Variants in MDN1 observed in about 807,000 individuals in gnomAD.
The protein encoded by MDN1 is midasin.
MDN1 carries 266 observed loss-of-function variants against 669.2 expected under a neutral mutation model. The observed-to-expected ratio is 0.40, with a 90% CI of 0.36 to 0.44. The LOEUF is 0.44. MDN1 is among the 20% of genes least tolerant of loss of function. The probability of loss-of-function intolerance (pLI) is 1.00; values close to 1 mark genes in which losing one functional copy is unlikely to be tolerated. For missense variants in MDN1, 5,940 were observed against 6,754.0 expected (o/e 0.88, Z 4.22); for synonymous variants, 2,385 against 2,457.1 (o/e 0.97, Z 0.87).
At position 89,780,276 on chromosome 6, in the gene MDN1, C is replaced by T; in HGVS notation, c.1661G>A (p.Cys554Tyr). 1.9e-6 allele frequency: 3 copies of T among 1,578,314 alleles called. No homozygotes were observed. The highest frequency in any genetic ancestry group is 3.4e-4 in the Middle Eastern group (2 of 5,938). ...ELSLRDLLNW[C>Y]NRIAHSFDSS... is the part of the protein sequence containing the mutation. ...GTCAAAGCTATGGGCAATCCTATTA[C>T]ACCAATTCAGCAGATCCCTTTAAAA... is the stretch of plus-strand genomic sequence containing the variant. Residue 554 changes from cysteine (C) to tyrosine (Y), a missense_variant, in exon 11 of 102, where the codon TGT becomes TAT. This residue lies in a region of MDN1 where 1,203 missense variants were observed against 1,268.9 expected (regional missense o/e 0.95). Coordinates refer to ENST00000369393, the MANE Select transcript of MDN1 (RefSeq NM_014611.3).
chr6:89,681,337 C>G (rs1811603941), intron 73 of MDN1, among the ~76,000 whole-genome samples: 1 of 152,086 alleles, frequency 6.6e-6, no homozygotes, highest in Non-Finnish European at 1.5e-5. Flanking sequence ...CCATGCCTGG[C>G]TATTTTTTGT....
At chr6:89,734,691 AAGAGAGAGAG>A (rs1554188772) in intron 33 of MDN1, among the ~76,000 whole-genome samples, 1 of 112,996 alleles carries the variant, frequency 8.8e-6, no homozygotes, top group African/African-American at 3.5e-5. Context: ...AAAAAAAAAC[AAGAGAGAGAG>A]AGAGAGAGAG....
At position 89,690,810 on chromosome 6, in the gene MDN1, GCT is replaced by G; in HGVS notation, c.10610_10611del (p.Glu3537AlafsTer10). ...VCQEIISEWD[E>X]QERIAQEKAE... ...GCCTTCTCTTGGGCTATGCGTTCCT[GCT>G]CATCCCACTCACTGATGATTTCCTG... is the stretch of plus-strand genomic sequence containing the variant. On this transcript the variant is annotated frameshift_variant, in exon 64 of 102. Transcript: ENST00000369393. LOFTEE classifies it high-confidence loss of function. 1 of 1,613,976 alleles carries G rather than the reference GCT, an allele frequency of 6.2e-7. No individual in the cohort carries two copies. Among genetic ancestry groups the G allele is most frequent in the Non-Finnish European group, 8.5e-7 (1 of 1,179,962 alleles).
At chr6:89,761,503 A>G in intron 17 of MDN1, 142 bp downstream of exon 17, 1 of 517,078 alleles carries the variant, frequency 1.9e-6, no homozygotes, top group Non-Finnish European at 3.3e-6. Context: ...TATAATTGCC[A>G]TAATTACCAT....
rs1811968232 is a variant in MDN1, at chr6:89,685,855, G to C, written c.11691C>G (p.Val3897=). 6.2e-7 allele frequency: 1 copy of C among 1,613,904 alleles called. No individual in the cohort carries two copies. Among genetic ancestry groups the C allele is most frequent in the South Asian group, 1.1e-5 (1 of 91,066 alleles). Reference sequence around the variant, plus strand: ...TTCCTTCAACCTGTGGCATCAGCAAGACATGACAATGGAAAACCAGTAACA... The same window carrying C: ...TTCCTTCAACCTGTGGCATCAGCAACACATGACAATGGAAAACCAGTAACA... The part of the protein sequence containing the change: ...LQMLLVFHCH[V]LLMPQVEGKD... The change falls in exon 70 of 102, where the codon GTC becomes GTG. Residue 3897 remains valine, a synonymous_variant. Transcript: ENST00000369393.
chr6:89,749,165 A>C (rs1026517058), intron 26 of MDN1, 58 bp downstream of exon 26: 2 of 1,453,788 alleles, frequency 1.4e-6, no homozygotes, highest in African/African-American at 1.4e-5. Context: ...CTAACAAAAG[A>C]AGCCATGAAA....
At chr6:89,765,534 G>A (rs377632662) in intron 15 of MDN1, among the ~76,000 whole-genome samples, 26 of 152,062 alleles carry the variant, frequency 1.7e-4, no homozygotes, top group African/African-American at 5.8e-4. Flanking sequence ...AGCTGGTCTC[G>A]AAGTCCTGGC....
Position 89,754,138 on chromosome 6 carries a change from G to T in MDN1, c.2909C>A (p.Ala970Asp). 1 of 1,614,110 alleles carries T rather than the reference G, an allele frequency of 6.2e-7. No individual in the cohort carries two copies. The highest frequency in any genetic ancestry group is 8.5e-7 in the Non-Finnish European group (1 of 1,180,004). The stretch of plus-strand genomic sequence containing the variant: ...TGGATTGGAGGCTGCAAATCGCAGG[G>T]CCCGGCACAGAGTCCGAAGGCTGTA... ...PHYSLRTLCR[A>D]LRFAASNPCG... The change falls in exon 21 of 102, where the codon GCC becomes GAC. Residue 970 changes from alanine (A) to aspartate (D), a missense_variant. By Grantham distance (126) the Ala-to-Asp change is moderately radical. Transcript: ENST00000369393.
chr6:89,799,904 C>A (rs991422136), intron 2 of MDN1, among the ~76,000 whole-genome samples: 1 of 152,020 alleles, frequency 6.6e-6, no homozygotes, highest in Non-Finnish European at 1.5e-5. Flanking sequence ...TTATTCAACC[C>A]CCTTTCAATC....
intron 21 of MDN1, 54 bp from the exon 22 acceptor site, chr6:89,753,676 CA>C: frequency 7.3e-7 from 1 of 1,376,178 alleles, no homozygotes; most frequent in Non-Finnish European, 1.0e-6. Context: ...GCAATACAAC[CA>C]AACTTATTTC....
rs1430670162 is a variant in MDN1, at chr6:89,643,279, A to G, written c.*726T>C. 6.6e-6 allele frequency: 1 copy of G among 152,230 alleles called. No individual in the cohort carries two copies. Among genetic ancestry groups the G allele is most frequent in the East Asian group, 1.9e-4 (1 of 5,192 alleles). 9.4% of individuals were successfully genotyped at this position (152,230 alleles called of 1,614,324 possible). On this transcript the variant is annotated 3_prime_UTR_variant, in exon 102 of 102. Coordinates refer to ENST00000369393, the MANE Select transcript of MDN1 (RefSeq NM_014611.3). ...ACAACAACAGGGACCATGGCACTGA[A>G]TGAAATAAAGGGGCAATCACCTTCC...
rs373052831 is a variant in MDN1 at position 89,655,704 on chromosome 6, T to C, written c.15490+60A>G. 1.5e-4 allele frequency: 220 copies of C among 1,435,042 alleles called. 2 individuals are homozygous for C. The South Asian group carries it at 1.9e-3, about 12-fold the overall frequency. 88.9% of individuals were successfully genotyped at this position (1,435,042 alleles called of 1,614,324 possible). On this transcript the variant is annotated intron_variant, in intron 92 of 101. Transcript: ENST00000369393. The stretch of plus-strand genomic sequence containing the variant: ...ATACGTATCATTATTATAGGTCACA[T>C]AGCACAAGCTCTCATAGAGAGCTCA...
intron 95 of MDN1, 80 bp downstream of exon 95, chr6:89,652,112 C>T (rs1275055225): frequency 3.7e-6 from 4 of 1,088,132 alleles, no homozygotes; most frequent in Middle Eastern, 2.0e-4. Context: ...TTGCTAAGAA[C>T]CTATTAAGTT....
At chr6:89,672,129 A>T in intron 82 of MDN1, 71 bp downstream of exon 82, 1 of 1,441,876 alleles carries the variant, frequency 6.9e-7, no homozygotes, top group African/African-American at 1.4e-5. Context: ...ACGTGGAGGG[A>T]AGTAAAGCCC....
At chr6:89,776,788 C>T (rs1818378169) in intron 11 of MDN1, 93 bp from the exon 12 acceptor site, 1 of 852,638 alleles carries the variant, frequency 1.2e-6, no homozygotes, top group African/African-American at 1.7e-5. Flanking sequence ...GGGAGAAACA[C>T]AAAATCCAGC....
At chr6:89,802,685 C>T (rs1312376301) in intron 2 of MDN1, among the ~76,000 whole-genome samples, 1 of 150,970 alleles carries the variant, frequency 6.6e-6, no homozygotes, top group Non-Finnish European at 1.5e-5. Context: ...GGGACTCCAT[C>T]TCACAAAAAA....
Position 89,654,263 on chromosome 6 carries a change from C to G in MDN1, c.15562G>C (p.Asp5188His). 1 of 1,614,238 alleles carries G rather than the reference C, an allele frequency of 6.2e-7. No individual in the cohort carries two copies. Reference sequence around the variant, plus strand: ...TGCTCCTCTGTGTCCATAAGGGTGTCCTCTATCTCCTCCTCTTCCTGATCT... The same window carrying G: ...TGCTCCTCTGTGTCCATAAGGGTGTGCTCTATCTCCTCCTCTTCCTGATCT... ...GKDQEEEEIE[D>H]TLMDTEEQEE... Residue 5188 changes from aspartate to histidine, a missense_variant, in exon 93 of 102, where the codon GAC (aspartate) becomes CAC (histidine). Coordinates refer to ENST00000369393, the MANE Select transcript of MDN1 (RefSeq NM_014611.3).
intron 1 of MDN1, among the ~76,000 whole-genome samples, chr6:89,813,003 C>T (rs1004877439): frequency 6.6e-6 from 1 of 151,848 alleles, no homozygotes; most frequent in African/African-American, 2.4e-5. Flanking sequence ...TGCAATGGCG[C>T]GATCTCGGCT....
intron 1 of MDN1, among the ~76,000 whole-genome samples, chr6:89,816,540 C>A (rs1170986572): frequency 6.6e-6 from 1 of 151,936 alleles, no homozygotes; most frequent in African/African-American, 2.4e-5. Flanking sequence ...GCCTGGACAA[C>A]AAAGCAAGAT....
Sources: allele counts gnomAD v4.1 joint callset (sites outside exome capture counted in the v4.1 genomes callset), GRCh38; gene constraint gnomAD v4.1.1; regional missense constraint gnomAD v4.1.1; transcripts MANE v1.5; gene names NCBI Gene and HGNC (gene_info 2026-07-23, HGNC 2026-07-21).